The following ANAPC1 variants were observed in gnomAD, a reference collection of about 807,000 sequenced individuals.
ANAPC1 encodes anaphase promoting complex subunit 1.
In ANAPC1, 36 loss-of-function variants were observed where a neutral mutation model predicts 208.0. That is an observed-to-expected ratio of 0.17 (90% CI 0.13 to 0.23). The LOEUF (loss-of-function observed/expected upper bound fraction) is 0.23. Among genes scored for constraint, ANAPC1 ranks in the 10% least tolerant of loss-of-function variants. The pLI is 1.00. For synonymous variants in ANAPC1, 378 were observed against 695.2 expected, an observed-to-expected ratio of 0.54 and a Z score of 7.18; for missense variants, 942 against 2,011.6, an observed-to-expected ratio of 0.47 and a Z score of 10.17.
At chr2:111,872,946 G>T (rs1682832925) in intron 5 of ANAPC1, 8 of 533,942 alleles carry the variant, frequency 1.5e-5, no homozygotes, top group Non-Finnish European at 2.7e-5. Context: ...CACTGGCCAG[G>T]ATCAGTAACA....
chr2:111,783,278 G>T (rs1347994324), intron 42 of ANAPC1, among the ~76,000 whole-genome samples: 1 of 152,174 alleles, frequency 6.6e-6, no homozygotes, highest in Non-Finnish European at 1.5e-5. Flanking sequence ...ATGTCAAACT[G>T]TAATCCCCAC....
chr2:111,875,464 G>A (rs1008350388), intron 3 of ANAPC1, among the ~76,000 whole-genome samples: 1 of 152,084 alleles, frequency 6.6e-6, no homozygotes, highest in African/African-American at 2.4e-5. Context: ...TTTTATCCCT[G>A]ATATCTAAGA....
At chr2:111,797,639 G>A (rs1444670871) in intron 34 of ANAPC1, among the ~76,000 whole-genome samples, 1 of 152,138 alleles carries the variant, frequency 6.6e-6, no homozygotes, top group African/African-American at 2.4e-5. Flanking sequence ...CATACAACAA[G>A]TATAAACCCT....
intron 2 of ANAPC1, among the ~76,000 whole-genome samples, chr2:111,879,776 GCAGGAGAATCACTTGAATC>G (rs1683202083): frequency 6.6e-6 from 1 of 152,214 alleles, no homozygotes; most frequent in African/African-American, 2.4e-5. Context: ...GGAGGCTGAG[GCAGGAGAATCACTTGAATC>G]CAGGAGGCAG....
intron 6 of ANAPC1, among the ~76,000 whole-genome samples, chr2:111,869,791 G>A (rs1288732384): frequency 6.6e-6 from 1 of 152,168 alleles, no homozygotes; most frequent in East Asian, 1.9e-4. Flanking sequence ...GGTGAATTCT[G>A]AGATTTTAGT....
In ANAPC1 at chr2:111,873,628, A is replaced by T. The variant is rs757268323; in HGVS notation, c.412T>A (p.Ser138Thr). Residue 138 changes from serine to threonine, a missense_variant, in exon 4 of 48, where the codon TCT becomes ACT. Ser to Thr is a moderately conservative substitution (Grantham distance 58, BLOSUM62 1). Transcript: ENST00000341068. Reference sequence around the variant, plus strand: ...AGAAACTTACTGTAGGCCTTTTCAGACTTATCCTGTGATATAATGAAGTCA... The same window carrying T: ...AGAAACTTACTGTAGGCCTTTTCAGTCTTATCCTGTGATATAATGAAGTCA... The part of the protein sequence containing the change: ...WCDFIISQDK[S>T]EKAYSSNEVE... 1 of 1,583,602 alleles carries T rather than the reference A, an allele frequency of 6.3e-7. No homozygotes were observed. The highest frequency in any genetic ancestry group is 8.5e-7 in the Non-Finnish European group (1 of 1,172,030).
At chr2:111,789,196 T>C (rs529676756) in intron 38 of ANAPC1, among the ~76,000 whole-genome samples, 3 of 152,356 alleles carry the variant, frequency 2.0e-5, no homozygotes, top group Non-Finnish European at 4.4e-5. Flanking sequence ...ATATAAATTC[T>C]TTCCTCACCA....
At chr2:111,835,168 T>A (rs1056309923) in intron 18 of ANAPC1, among the ~76,000 whole-genome samples, 1 of 152,084 alleles carries the variant, frequency 6.6e-6, no homozygotes, top group African/African-American at 2.4e-5. Context: ...GAGAGAAAAT[T>A]TAAGATTATC....
At position 111,787,270 on chromosome 2, in the gene ANAPC1, T is replaced by C. The variant is rs1393761816; in HGVS notation, c.4799+964A>G. 1.0e-4 allele frequency among the ~76,000 whole-genome samples: 15 copies of C among 148,140 alleles called. No homozygotes were observed. In the East Asian group the frequency reaches 2.7e-3, roughly 27 times the overall value. On this transcript the variant is annotated intron_variant, in intron 39 of 47. Transcript: ENST00000341068. ...CTCTCCACTGTACCCTAGCCAATAA[T>C]TGGCTTTAACAACTCAAAAAATCTT...
At chr2:111,845,804 C>T (rs1156247195) in intron 16 of ANAPC1, among the ~76,000 whole-genome samples, 2 of 151,834 alleles carry the variant, frequency 1.3e-5, no homozygotes, top group African/African-American at 4.8e-5. Context: ...GAAACCCCGT[C>T]TCTACTAAAA....
In ANAPC1 at chr2:111,777,066, G is replaced by A; in HGVS notation, c.5386-9C>T. On this transcript the variant is annotated splice_polypyrimidine_tract_variant and intron_variant, in intron 45 of 47. Coordinates refer to ENST00000341068, the MANE Select transcript of ANAPC1 (RefSeq NM_022662.4). ...CCAAGTCTTCTTATAGCCTTGAAGA[G>A]GAAAGAGGACAACAATCTATTTAAT... 2.2e-6 allele frequency: 1 copy of A among 461,784 alleles called. No homozygotes were observed. Among genetic ancestry groups the A allele is most frequent in the Non-Finnish European group, 4.0e-6 (1 of 252,848 alleles). 28.6% of individuals were successfully genotyped at this position (461,784 alleles called of 1,614,324 possible).
At chr2:111,810,395 G>A (rs1040239197) in intron 28 of ANAPC1, among the ~76,000 whole-genome samples, 5 of 152,034 alleles carry the variant, frequency 3.3e-5, no homozygotes, top group Non-Finnish European at 7.4e-5. Flanking sequence ...TAACAGTGGT[G>A]ATGGATGTAC....
chr2:111,865,438 G>A (rs1349038375), intron 7 of ANAPC1, among the ~76,000 whole-genome samples: 5 of 152,030 alleles, frequency 3.3e-5, no homozygotes, highest in Non-Finnish European at 7.4e-5. Flanking sequence ...TTTTCCCAGT[G>A]AGTTCAGCTT....
At chr2:111,843,083 T>C (rs1680855683) in intron 17 of ANAPC1, among the ~76,000 whole-genome samples, 1 of 152,190 alleles carries the variant, frequency 6.6e-6, no homozygotes, top group African/African-American at 2.4e-5. Flanking sequence ...CACAGATCTG[T>C]GATTTCTTTG....
chr2:111,798,055 CCA>C (rs1286490782), intron 34 of ANAPC1, among the ~76,000 whole-genome samples: 1 of 133,490 alleles, frequency 7.5e-6, no homozygotes, highest in Non-Finnish European at 1.6e-5. Flanking sequence ...CAGGAAAATA[CCA>C]CACCCATTGG....
intron 13 of ANAPC1, among the ~76,000 whole-genome samples, chr2:111,853,973 C>A (rs147454443): frequency 0.037 from 5,563 of 152,216 alleles, 158 homozygotes; most frequent in Middle Eastern, 0.058. Context: ...GCCTCGGCCT[C>A]CCAAAGTGCT....
chr2:111,787,139 A>C (rs1573322654), intron 39 of ANAPC1, among the ~76,000 whole-genome samples: 1 of 143,150 alleles, frequency 7.0e-6, no homozygotes, highest in African/African-American at 2.7e-5. Flanking sequence ...ACAGAGCGAG[A>C]CTCTATCTCG....
intron 17 of ANAPC1, among the ~76,000 whole-genome samples, chr2:111,841,421 T>G (rs1430105507): frequency 1.9e-5 from 2 of 104,310 alleles, no homozygotes; most frequent in Non-Finnish European, 4.2e-5. Context: ...TGTAATTCTA[T>G]AGAGACAGGA....
rs752895759 is a variant in ANAPC1, at chr2:111,833,296, C to T, written c.2400G>A (p.Gly800=). 19 of 1,589,632 alleles carry T rather than the reference C, an allele frequency of 1.2e-5. No individual in the cohort carries two copies. In the Admixed American group the frequency reaches 3.2e-4, roughly 27 times the overall value. Reference sequence around the variant, plus strand: ...CTCTATAGTAATGATCTACATAAGGCCCCAATTTTAAGTCCCTAAAACAGT... The same window carrying T: ...CTCTATAGTAATGATCTACATAAGGTCCCAATTTTAAGTCCCTAAAACAGT... ...LVQLARDLKL[G]PYVDHYYRDY... Residue 800 remains glycine (G), a synonymous_variant, in exon 20 of 48, where the codon GGG becomes GGA. Coordinates refer to ENST00000341068, the MANE Select transcript of ANAPC1 (RefSeq NM_022662.4).
Sources: allele counts gnomAD v4.1 joint callset (sites outside exome capture counted in the v4.1 genomes callset), GRCh38; gene constraint gnomAD v4.1.1; transcripts MANE v1.5; gene names NCBI Gene and HGNC (gene_info 2026-07-23, HGNC 2026-07-21).